The following OR2C1 variants were observed in gnomAD, a reference collection of about 807,000 sequenced individuals.
OR2C1 encodes the protein olfactory receptor 2C1.
For missense variants in OR2C1, 468 were observed against 388.3 expected (o/e 1.21, Z -1.73); for synonymous variants, 209 against 167.3 (o/e 1.25, Z -1.92).
At chr16:3,346,188 C>CTG in the OR2C1 span, among the ~76,000 whole-genome samples, 3,159 of 150,514 alleles carry the variant, frequency 0.021, 92 homozygotes, top group African/African-American at 0.064. Flanking sequence ...CTTTGCTTTG[C>CTG]TGTGTGTGTG....
At chr16:3,323,184 G>T in the OR2C1 span, 1 of 675,448 alleles carries the variant, frequency 1.5e-6, no homozygotes, top group Non-Finnish European at 2.6e-6. Flanking sequence ...TGGCACCTGG[G>T]TCTAGTTCAG....
chr16:3,343,247 A>G, the OR2C1 span, among the ~76,000 whole-genome samples: 3 of 152,108 alleles, frequency 2.0e-5, no homozygotes, highest in Non-Finnish European at 4.4e-5. Flanking sequence ...CACAAGTACA[A>G]CAAAGGAAAT....
At chr16:3,327,537 C>A in the OR2C1 span, among the ~76,000 whole-genome samples, 1 of 151,788 alleles carries the variant, frequency 6.6e-6, no homozygotes, top group Admixed American at 6.6e-5. Context: ...GACCTCCTCC[C>A]TGGAGTATCC....
At chr16:3,346,926 CT>C in the OR2C1 span, among the ~76,000 whole-genome samples, 6 of 151,104 alleles carry the variant, frequency 4.0e-5, no homozygotes, top group East Asian at 2.0e-4. Flanking sequence ...GCCACCACCC[CT>C]GGCCTCCTTT....
chr16:3,331,158 T>C, the OR2C1 span, among the ~76,000 whole-genome samples: 4 of 152,386 alleles, frequency 2.6e-5, no homozygotes, highest in East Asian at 7.7e-4. Flanking sequence ...CATTTTTTCA[T>C]GTGTGTTTCG....
chr16:3,356,928 C>A lies in OR2C1; in HGVS notation c.*49C>A. ...TGCGTCTTCATCTCTACATGCGTTTCTCATTAACTCTCTCTGGCCAGGTGA... is the reference window on the plus strand; with the variant it reads ...TGCGTCTTCATCTCTACATGCGTTTATCATTAACTCTCTCTGGCCAGGTGA... On this transcript the variant is annotated 3_prime_UTR_variant, in exon 1 of 1. Coordinates refer to ENST00000304936, the MANE Select transcript of OR2C1 (RefSeq NM_012368.3). The A allele has an allele frequency of 7.2e-7, 1 of 1,392,486 alleles. No individual in the cohort carries two copies. The highest frequency in any genetic ancestry group is 1.5e-5 in the South Asian group (1 of 68,458). The allele number at this position is 1,392,486 out of a possible 1,614,324, so 86.3% of individuals were successfully genotyped here.
At chr16:3,351,034 CAAAAAAAAAAA>C (rs1172796202), upstream of OR2C1, among the ~76,000 whole-genome samples, 23 of 49,572 alleles carry the variant, frequency 4.6e-4, no homozygotes, top group African/African-American at 1.4e-3. Context: ...GACCCTGACT[CAAAAAAAAAAA>C]AAAAAAAAAG....
At chr16:3,342,853 C>A in the OR2C1 span, among the ~76,000 whole-genome samples, 2 of 152,036 alleles carry the variant, frequency 1.3e-5, no homozygotes, top group Non-Finnish European at 2.9e-5. Flanking sequence ...GACTGGGCAA[C>A]AAAGCAAGAC....
the OR2C1 span, among the ~76,000 whole-genome samples, chr16:3,324,407 C>G: frequency 6.6e-6 from 1 of 152,128 alleles, no homozygotes. Flanking sequence ...CCAGGCTGGT[C>G]TCGAACTCCT....
the OR2C1 span, among the ~76,000 whole-genome samples, chr16:3,347,246 CAAAAAAAAAA>C: frequency 1.6e-5 from 1 of 64,494 alleles, no homozygotes; most frequent in Admixed American, 2.2e-4. Flanking sequence ...GACTCTGTCT[CAAAAAAAAAA>C]AAAAAAAAAA....
At chr16:3,351,703 C>A (rs959528763), upstream of OR2C1, among the ~76,000 whole-genome samples, 14 of 152,218 alleles carry the variant, frequency 9.2e-5, no homozygotes, top group African/African-American at 2.9e-4. Flanking sequence ...ACTCCCCAGC[C>A]CTTACATGGA....
the OR2C1 span, among the ~76,000 whole-genome samples, chr16:3,333,369 C>G: frequency 6.6e-6 from 1 of 151,688 alleles, no homozygotes; most frequent in East Asian, 1.9e-4. Context: ...CGGAGTCTCC[C>G]TCTGTTGCCC....
chr16:3,341,349 G>C, the OR2C1 span, among the ~76,000 whole-genome samples: 1 of 151,844 alleles, frequency 6.6e-6, no homozygotes, highest in African/African-American at 2.4e-5. Flanking sequence ...TTTTTATGTG[G>C]GTTCTTTGGG....
the OR2C1 span, among the ~76,000 whole-genome samples, chr16:3,332,514 C>A: frequency 3.9e-5 from 6 of 152,112 alleles, no homozygotes; most frequent in African/African-American, 1.4e-4. Flanking sequence ...TATCCTCCCC[C>A]CCACTACCCT....
At chr16:3,355,837 G>C, upstream of OR2C1, 1 of 785,898 alleles carries the variant, frequency 1.3e-6, no homozygotes, top group Non-Finnish European at 2.1e-6. Context: ...AGAACTATTA[G>C]ACCGTTCCTG....
the OR2C1 span, among the ~76,000 whole-genome samples, chr16:3,342,683 G>T: frequency 6.6e-6 from 1 of 152,174 alleles, no homozygotes; most frequent in African/African-American, 2.4e-5. Context: ...TTCGAGATCA[G>T]CCTGGCCAAC....
the OR2C1 span, among the ~76,000 whole-genome samples, chr16:3,326,657 A>G: frequency 6.6e-6 from 1 of 152,184 alleles, no homozygotes; most frequent in Non-Finnish European, 1.5e-5. Flanking sequence ...ACCCAACCTC[A>G]GTAAGAGAAA....
the OR2C1 span, among the ~76,000 whole-genome samples, chr16:3,343,357 G>C: frequency 6.6e-6 from 1 of 152,146 alleles, no homozygotes; most frequent in African/African-American, 2.4e-5. Context: ...GCCTCCCAAA[G>C]TGCTGTGATT....
At chr16:3,344,859 A>G in the OR2C1 span, among the ~76,000 whole-genome samples, 2 of 152,106 alleles carry the variant, frequency 1.3e-5, no homozygotes, top group East Asian at 3.9e-4. Flanking sequence ...GCATCTGGGT[A>G]TATCTCTATT....
Sources: gnomAD v4.1 joint callset for allele counts (sites outside exome capture counted in the v4.1 genomes callset) on GRCh38, gnomAD v4.1.1 for gene constraint, MANE v1.5 for transcripts, NCBI Gene and HGNC (gene_info 2026-07-23, HGNC 2026-07-21) for gene names.